Variants in DIS3L observed in about 807,000 individuals in gnomAD.
DIS3L encodes DIS3 like exosome 3'-5' exoribonuclease, also known as DIS3-like exonuclease 1.
A neutral mutation model predicts 120.3 loss-of-function variants in DIS3L; 100 were observed. The observed-to-expected ratio is 0.83, with a 90% CI of 0.71 to 0.98. DIS3L has a LOEUF of 0.98. Ranked by LOEUF, DIS3L falls within the 50% of genes least tolerant of loss-of-function variation. The pLI, the probability that DIS3L is intolerant of heterozygous loss-of-function variation, is 0.00. For synonymous variants in DIS3L, 426 were observed against 470.6 expected (o/e 0.91, Z 1.23); for missense variants, 1,196 against 1,314.2 (o/e 0.91, Z 1.39).
rs371293556 is a variant in DIS3L at position 66,326,179 on chromosome 15, G to A, written c.2016G>A (p.Lys672=). The A allele has an allele frequency of 9.4e-5, 151 of 1,614,210 alleles. 2 individuals carry two copies. Among genetic ancestry groups the A allele is most frequent in the Middle Eastern group, 4.9e-4 (3 of 6,062 alleles). ...DKKNIHDLIP[K]QPLEVHETVA... ...AGAACATTCACGACCTCATCCCCAA[G>A]CAGCCCCTGGAAGTCCACGAGACAG... The change falls in exon 12 of 17, where the codon AAG becomes AAA. Residue 672 remains lysine, a synonymous_variant. Coordinates refer to ENST00000319212, the MANE Select transcript of DIS3L (RefSeq NM_001143688.3).
chr15:66,327,189 A>C (rs1266148256), intron 12 of DIS3L, among the ~76,000 whole-genome samples: 1 of 152,040 alleles, frequency 6.6e-6, no homozygotes, highest in East Asian at 1.9e-4. Flanking sequence ...CGGTCTCCCA[A>C]AGTGCTGGGA....
chr15:66,309,286 A>G (rs973600083), intron 4 of DIS3L, among the ~76,000 whole-genome samples: 16 of 150,628 alleles, frequency 1.1e-4, no homozygotes, highest in African/African-American at 1.5e-4. Context: ...TTATGCCCCA[A>G]CTATTTAATG....
At position 66,314,118 on chromosome 15, in the gene DIS3L, G is replaced by T. The variant is rs1464814287; in HGVS notation, c.814+1G>T. The T allele has an allele frequency of 1.3e-6, 2 of 1,502,330 alleles. No individual in the cohort carries two copies. The allele number at this position is 1,502,330 out of a possible 1,614,324, so 93.1% of individuals were successfully genotyped here. On this transcript the variant is annotated splice_donor_variant, in intron 6 of 16. Transcript: ENST00000319212. LOFTEE classifies it high-confidence loss of function. ...CAAGGAGCCAGCAGTAAAGATTCAG[G>T]TTCAGTATAAACCTTACATAAATTT... is the stretch of plus-strand genomic sequence containing the variant.
At chr15:66,314,599 T>C (rs867050768) in intron 6 of DIS3L, among the ~76,000 whole-genome samples, 1 of 152,156 alleles carries the variant, frequency 6.6e-6, no homozygotes, top group African/African-American at 2.4e-5. Context: ...GGAGAGAGAA[T>C]GAGAAACTGG....
intron 2 of DIS3L, among the ~76,000 whole-genome samples, chr15:66,299,271 C>T (rs966697680): frequency 6.6e-6 from 1 of 152,054 alleles, no homozygotes; most frequent in African/African-American, 2.4e-5. Context: ...GATTACTCAG[C>T]GGTGGTTCAC....
At chr15:66,328,314 T>C (rs2140410212) in intron 12 of DIS3L, among the ~76,000 whole-genome samples, 1 of 152,312 alleles carries the variant, frequency 6.6e-6, no homozygotes, top group Middle Eastern at 3.4e-3. Context: ...CCCTTTTCCC[T>C]TAGCCAGCCA....
At chr15:66,311,142 T>A (rs369861128) in intron 4 of DIS3L, among the ~76,000 whole-genome samples, 38 of 149,918 alleles carry the variant, frequency 2.5e-4, no homozygotes, top group Non-Finnish European at 5.0e-4. Flanking sequence ...GGCAGGAGGA[T>A]CACTGAGCCC....
chr15:66,332,153 T>TC, intron 15 of DIS3L, 133 bp downstream of exon 15: 1 of 955,644 alleles, frequency 1.0e-6, no homozygotes. Flanking sequence ...AATGTATAAT[T>TC]CAGTATATAA....
At position 66,329,034 on chromosome 15, in the gene DIS3L, A is replaced by G; in HGVS notation, c.2266A>G (p.Arg756Gly). ...CGACCCCCACGATCCCATTGTGAAC[A>G]GGCTACTGCGCTCCATGGCCACGCA... ...ANDPHDPIVN[R>G]LLRSMATQAM... Residue 756 changes from arginine (R) to glycine (G), a missense_variant, in exon 13 of 17, where the codon AGG becomes GGG. Arg to Gly is a moderately radical substitution (Grantham distance 125, BLOSUM62 -2). Coordinates refer to ENST00000319212, the MANE Select transcript of DIS3L (RefSeq NM_001143688.3). 1 of 1,614,234 alleles carries G rather than the reference A, an allele frequency of 6.2e-7. No homozygotes were observed. The highest frequency in any genetic ancestry group is 8.5e-7 in the Non-Finnish European group (1 of 1,180,052).
intron 2 of DIS3L, among the ~76,000 whole-genome samples, chr15:66,306,056 G>A (rs1426209835): frequency 6.6e-6 from 1 of 152,056 alleles, no homozygotes; most frequent in Non-Finnish European, 1.5e-5. Context: ...GTGGCCCAGT[G>A]CAGCCTTGAC....
chr15:66,307,293 A>T (rs953376395), intron 3 of DIS3L, among the ~76,000 whole-genome samples: 7 of 151,090 alleles, frequency 4.6e-5, no homozygotes, highest in Non-Finnish European at 7.4e-5. Flanking sequence ...TTGTTTTTTT[A>T]TTTTTTTTAA....
intron 2 of DIS3L, among the ~76,000 whole-genome samples, chr15:66,303,908 G>A (rs1193642536): frequency 1.3e-5 from 2 of 150,676 alleles, no homozygotes; most frequent in African/African-American, 2.4e-5. Context: ...TGGCTAACAC[G>A]GTGAACCCCG....
At chr15:66,306,767 G>A (rs2092706555) in intron 2 of DIS3L, 57 bp from the exon 3 acceptor site, 3 of 1,605,696 alleles carry the variant, frequency 1.9e-6, no homozygotes, top group African/African-American at 2.7e-5. Context: ...CTTAGCAAGA[G>A]ATAGCAGTGG....
Position 66,333,439 on chromosome 15 carries a change from A to T in DIS3L, c.*127A>T. 1 of 1,087,190 alleles carries T rather than the reference A, an allele frequency of 9.2e-7. No individual in the cohort carries two copies. The highest frequency in any genetic ancestry group is 1.3e-6 in the Non-Finnish European group (1 of 778,458). 67.3% of individuals were successfully genotyped at this position (1,087,190 alleles called of 1,614,324 possible). A position where few individuals can be genotyped will look rare whatever the true frequency, so the allele number is the denominator to read the frequency against. On this transcript the variant is annotated 3_prime_UTR_variant, in exon 17 of 17. Transcript: ENST00000319212. ...TGGGTAGCTATTTCGCATATATGTA[A>T]AATGTTCTCAGCCGGGCACGGTGGC...
intron 2 of DIS3L, among the ~76,000 whole-genome samples, chr15:66,301,363 C>T (rs2092646294): frequency 6.6e-6 from 1 of 151,998 alleles, no homozygotes; most frequent in African/African-American, 2.4e-5. Flanking sequence ...TCACTGCAAC[C>T]TCTGCCTCCT....
chr15:66,305,373 A>T (rs887287636), intron 2 of DIS3L, among the ~76,000 whole-genome samples: 3 of 152,094 alleles, frequency 2.0e-5, no homozygotes, highest in African/African-American at 7.2e-5. Context: ...TATGCATTTA[A>T]CAAGATTCGT....
chr15:66,326,521 A>G (rs1036098904), intron 12 of DIS3L, 157 bp downstream of exon 12: 2 of 815,570 alleles, frequency 2.5e-6, no homozygotes, highest in African/African-American at 1.7e-5. Flanking sequence ...TTCCCTCTTC[A>G]TTGTTATGTA....
At chr15:66,299,514 C>G (rs1195848246) in intron 2 of DIS3L, among the ~76,000 whole-genome samples, 1 of 150,546 alleles carries the variant, frequency 6.6e-6, no homozygotes, top group Non-Finnish European at 1.5e-5. Flanking sequence ...CCGTTGCACT[C>G]CCGTCTGGGC....
chr15:66,322,419 G>A (rs543658383), intron 9 of DIS3L, among the ~76,000 whole-genome samples: 2 of 152,294 alleles, frequency 1.3e-5, no homozygotes, highest in African/African-American at 4.8e-5. Flanking sequence ...GAAGTTGTGG[G>A]ACATTTTCTG....
Sources: allele counts gnomAD v4.1 joint callset (sites outside exome capture counted in the v4.1 genomes callset), GRCh38; gene constraint gnomAD v4.1.1; transcripts MANE v1.5; gene names NCBI Gene and HGNC (gene_info 2026-07-23, HGNC 2026-07-21).